The following VPS50 variants were observed in gnomAD, a reference collection of about 807,000 sequenced individuals.
VPS50 encodes VPS50 subunit of EARP/GARPII complex.
VPS50 carries 70 observed loss-of-function variants against 139.7 expected under a neutral mutation model. The observed-to-expected ratio is 0.50, with a 90% CI of 0.41 to 0.61. The LOEUF is 0.61. VPS50 is among the 20% of genes least tolerant of loss of function. The pLI is 0.00. For missense variants in VPS50, 921 were observed against 1,133.7 expected, an observed-to-expected ratio of 0.81 and a Z score of 2.69; for synonymous variants, 365 against 376.7, an observed-to-expected ratio of 0.97 and a Z score of 0.36.
In VPS50 at chr7:93,360,958, C is replaced by G. The variant is rs778034354; in HGVS notation, c.*2522C>G. The G allele has an allele frequency of 6.6e-6, 1 of 151,822 alleles. No homozygotes were observed. Among genetic ancestry groups the G allele is most frequent in the Non-Finnish European group, 1.5e-5 (1 of 67,914 alleles). The allele number at this position is 151,822 out of a possible 1,614,324, so 9.4% of individuals were successfully genotyped here. ...AAACCAGGGCCATATGGTATTTTAT[C>G]ATATCTTTAAATAAAATTTCGAAAT... On this transcript the variant is annotated 3_prime_UTR_variant, in exon 28 of 28. Coordinates refer to ENST00000305866, the MANE Select transcript of VPS50 (RefSeq NM_017667.4).
rs148236720 is a variant in VPS50, at chr7:93,237,369, G to T, written c.34-2497G>T. 8.6e-4 allele frequency among the ~76,000 whole-genome samples: 131 copies of T among 152,254 alleles called. 2 individuals are homozygous for T. The East Asian group carries it at 0.019, about 22-fold the overall frequency. ...GTCAGGATACAAACTCAAGTGGTCTGCTCCAGAGCCCATTGCTATAATCAC... is the reference window on the plus strand; with the variant it reads ...GTCAGGATACAAACTCAAGTGGTCTTCTCCAGAGCCCATTGCTATAATCAC... On this transcript the variant is annotated intron_variant, in intron 1 of 27. Transcript: ENST00000305866.
At chr7:93,358,287 A>G in intron 27 of VPS50, 30 bp from the exon 28 acceptor site, 1 of 1,608,374 alleles carries the variant, frequency 6.2e-7, no homozygotes, top group Non-Finnish European at 8.5e-7. Context: ...CTTTTAGGGT[A>G]CTAAATTTGG....
At chr7:93,339,809 T>C (rs1798164105) in intron 22 of VPS50, among the ~76,000 whole-genome samples, 1 of 152,210 alleles carries the variant, frequency 6.6e-6, no homozygotes, top group Non-Finnish European at 1.5e-5. Flanking sequence ...AGGGGTTAAC[T>C]TGTATTCAGA....
intron 13 of VPS50, among the ~76,000 whole-genome samples, chr7:93,293,288 A>G (rs528378476): frequency 9.8e-5 from 15 of 152,338 alleles, no homozygotes; most frequent in African/African-American, 3.6e-4. Flanking sequence ...GAAACCAAAG[A>G]AAACGTTTGG....
intron 20 of VPS50, among the ~76,000 whole-genome samples, chr7:93,318,125 A>G (rs888749110): frequency 3.3e-5 from 5 of 151,584 alleles, no homozygotes; most frequent in African/African-American, 1.2e-4. Context: ...GGATAATACT[A>G]TGAGATAACA....
chr7:93,290,417 CT>C (rs36096738), intron 12 of VPS50, among the ~76,000 whole-genome samples: 15,946 of 138,182 alleles, frequency 0.12, 1,039 homozygotes, highest in Non-Finnish European at 0.17. Flanking sequence ...TAATGGGCAT[CT>C]TTTTTTTTTT....
At chr7:93,234,366 T>G (rs1299842297) in intron 1 of VPS50, among the ~76,000 whole-genome samples, 1 of 152,198 alleles carries the variant, frequency 6.6e-6, no homozygotes, top group Non-Finnish European at 1.5e-5. Context: ...CTTATTGAAT[T>G]TCAGCAGGTC....
At chr7:93,302,302 A>G (rs768081737) in intron 16 of VPS50, among the ~76,000 whole-genome samples, 3 of 148,142 alleles carry the variant, frequency 2.0e-5, no homozygotes, top group Non-Finnish European at 4.5e-5. Flanking sequence ...TGCATAATAA[A>G]TGTTTTGACT....
intron 9 of VPS50, among the ~76,000 whole-genome samples, chr7:93,269,916 G>A (rs1184701298): frequency 6.6e-6 from 1 of 152,054 alleles, no homozygotes; most frequent in Non-Finnish European, 1.5e-5. Context: ...GAATTTGAGA[G>A]TCAAGTTTAT....
intron 2 of VPS50, among the ~76,000 whole-genome samples, chr7:93,247,395 C>T (rs1045715025): frequency 4.6e-5 from 7 of 151,926 alleles, no homozygotes; most frequent in Admixed American, 3.3e-4. Context: ...ATTTTTCTAT[C>T]CTGCGGAAGC....
intron 2 of VPS50, among the ~76,000 whole-genome samples, chr7:93,248,190 A>C (rs1317868308): frequency 6.6e-6 from 1 of 151,904 alleles, no homozygotes; most frequent in Non-Finnish European, 1.5e-5. Flanking sequence ...AATATCTAAT[A>C]TTATTATAAT....
chr7:93,334,497 G>A (rs1056197884), intron 22 of VPS50, among the ~76,000 whole-genome samples: 3 of 152,166 alleles, frequency 2.0e-5, no homozygotes, highest in Non-Finnish European at 4.4e-5. Flanking sequence ...GCTAGGCTTC[G>A]AAGACCAGGC....
intron 9 of VPS50, among the ~76,000 whole-genome samples, chr7:93,270,632 T>G (rs1272126176): frequency 1.3e-5 from 2 of 151,966 alleles, no homozygotes; most frequent in Non-Finnish European, 2.9e-5. Flanking sequence ...GTGTGTTGTT[T>G]CAGTAGATAT....
intron 16 of VPS50, among the ~76,000 whole-genome samples, chr7:93,300,324 G>C (rs1052205505): frequency 2.6e-5 from 4 of 152,040 alleles, no homozygotes; most frequent in African/African-American, 9.7e-5. Flanking sequence ...TAGAGAAACA[G>C]GGAATGTTTT....
At chr7:93,354,657 T>C (rs960361379) in intron 26 of VPS50, among the ~76,000 whole-genome samples, 1 of 152,130 alleles carries the variant, frequency 6.6e-6, no homozygotes, top group Non-Finnish European at 1.5e-5. Flanking sequence ...TTAATAATAA[T>C]CACCATCATA....
In VPS50 at chr7:93,232,485, T is replaced by C; in HGVS notation, c.18T>C (p.Ser6=). The change falls in exon 1 of 28, where the codon TCT becomes TCC. Residue 6 remains serine (S), a synonymous_variant. Transcript: ENST00000305866. The part of the protein sequence containing the change: MQKIK[S]LMTRQGLKSP... ...ATTTCGATATGCAAAAAATCAAATC[T>C]CTCATGACCCGACAGGTAAGTCGCG... The C allele has an allele frequency of 1.2e-6, 2 of 1,613,624 alleles. No individual in the cohort carries two copies. Among genetic ancestry groups the C allele is most frequent in the Non-Finnish European group, 1.7e-6 (2 of 1,179,710 alleles).
chr7:93,304,605 A>C (rs1797066089), intron 17 of VPS50, among the ~76,000 whole-genome samples: 1 of 151,896 alleles, frequency 6.6e-6, no homozygotes, highest in South Asian at 2.1e-4. Context: ...ATTTTAGAAT[A>C]TCTATTAAAT....
At chr7:93,356,746 A>T (rs1259233915) in intron 27 of VPS50, among the ~76,000 whole-genome samples, 2 of 152,206 alleles carry the variant, frequency 1.3e-5, no homozygotes, top group Non-Finnish European at 2.9e-5. Flanking sequence ...ATGTGTTAAA[A>T]TTATCACCAA....
chr7:93,239,479 CATA>C (rs1794915536), intron 1 of VPS50, among the ~76,000 whole-genome samples: 1 of 152,140 alleles, frequency 6.6e-6, no homozygotes, highest in Admixed American at 6.5e-5. Context: ...ATCTGTGAAT[CATA>C]ATACTATTGC....
Sources: allele counts gnomAD v4.1 joint callset (sites outside exome capture counted in the v4.1 genomes callset), GRCh38; gene constraint gnomAD v4.1.1; transcripts MANE v1.5; gene names NCBI Gene and HGNC (gene_info 2026-07-23, HGNC 2026-07-21).